Variants in SLAIN1 observed in about 807,000 individuals in gnomAD.
The protein encoded by SLAIN1 is SLAIN motif-containing protein 1.
A neutral mutation model predicts 55.4 loss-of-function variants in SLAIN1; 17 were observed. The observed-to-expected ratio is 0.31, with a 90% CI of 0.21 to 0.46. The LOEUF (loss-of-function observed/expected upper bound fraction) is 0.46, where lower values mean the gene tolerates loss of function less well. Among genes scored for constraint, SLAIN1 ranks in the 20% least tolerant of loss-of-function variants. The pLI, the probability that SLAIN1 is intolerant of heterozygous loss-of-function variation, is 1.00. For synonymous variants in SLAIN1, 348 were observed against 337.4 expected, an observed-to-expected ratio of 1.03 and a Z score of -0.35; for missense variants, 682 against 785.1, an observed-to-expected ratio of 0.87 and a Z score of 1.57.
At chr13:77,749,669 AG>A (rs1249870121) in intron 4 of SLAIN1, among the ~76,000 whole-genome samples, 1 of 152,192 alleles carries the variant, frequency 6.6e-6, no homozygotes, top group Non-Finnish European at 1.5e-5. Flanking sequence ...TTGTGAAGAT[AG>A]AACTAGAACA....
chr13:77,730,663 T>C (rs1321819057), intron 2 of SLAIN1, among the ~76,000 whole-genome samples: 1 of 152,182 alleles, frequency 6.6e-6, no homozygotes, highest in East Asian at 1.9e-4. Flanking sequence ...TGAGTTTAAT[T>C]TTTTTCTACT....
chr13:77,753,387 T>C, intron 5 of SLAIN1, 29 bp downstream of exon 5: 1 of 1,105,032 alleles, frequency 9.0e-7, no homozygotes, highest in Non-Finnish European at 1.2e-6. Context: ...TATAATTATA[T>C]ATTGTATAAT....
At chr13:77,718,108 AAT>A (rs1672443385) in intron 1 of SLAIN1, among the ~76,000 whole-genome samples, 1 of 152,088 alleles carries the variant, frequency 6.6e-6, no homozygotes, top group South Asian at 2.1e-4. Context: ...GAAAAAAAAA[AAT>A]ATATTGGACT....
chr13:77,761,933 GAGA>G (rs767059351), intron 6 of SLAIN1, among the ~76,000 whole-genome samples: 7 of 152,164 alleles, frequency 4.6e-5, no homozygotes, highest in Admixed American at 6.5e-5. Context: ...GGATATGAAG[GAGA>G]AGGAGAAAAC....
intron 1 of SLAIN1, among the ~76,000 whole-genome samples, chr13:77,709,548 C>T (rs28848583): frequency 2.0e-5 from 3 of 152,166 alleles, no homozygotes; most frequent in South Asian, 2.1e-4. Flanking sequence ...AGACTAACAG[C>T]GGATCTCTCT....
intron 1 of SLAIN1, among the ~76,000 whole-genome samples, chr13:77,706,925 T>C (rs866166881): frequency 1.3e-5 from 2 of 152,222 alleles, no homozygotes; most frequent in Non-Finnish European, 2.9e-5. Context: ...TCTAATCCTT[T>C]TTGACTTTTT....
At chr13:77,737,620 T>G (rs1192087536) in intron 2 of SLAIN1, among the ~76,000 whole-genome samples, 2 of 152,098 alleles carry the variant, frequency 1.3e-5, no homozygotes, top group East Asian at 3.9e-4. Context: ...GTTCTTGGTT[T>G]CATATGCATT....
In SLAIN1 at chr13:77,698,390, G is replaced by GGGCGGT; in HGVS notation, c.483_488dup (p.Gly162_Gly163dup). 7.1e-7 allele frequency: 1 copy of GGGCGGT among 1,412,974 alleles called. No homozygotes were observed. Among genetic ancestry groups the GGGCGGT allele is most frequent in the Non-Finnish European group, 9.2e-7 (1 of 1,084,550 alleles). 87.5% of individuals were successfully genotyped at this position (1,412,974 alleles called of 1,614,324 possible). A position where few individuals can be genotyped will look rare whatever the true frequency, so the allele number is the denominator to read the frequency against. Reference sequence around the variant, plus strand: ...AGCCGGCAGCAGGCTTCTTCGGCGCGGGCGGTGGCGGGCCGGAGCCGGGGG... The same window carrying GGGCGGT: ...AGCCGGCAGCAGGCTTCTTCGGCGCGGGCGGTGGCGGTGGCGGGCCGGAGCCGGGGG... On this transcript the variant is annotated inframe_insertion, in exon 1 of 7. Coordinates refer to ENST00000418532, the MANE Select transcript of SLAIN1 (RefSeq NM_001242868.2). The surrounding 1 kb of genome is among the most constrained non-coding windows in gnomAD (Gnocchi z 4.1).
At chr13:77,754,246 A>G (rs1874440806) in intron 5 of SLAIN1, among the ~76,000 whole-genome samples, 1 of 152,220 alleles carries the variant, frequency 6.6e-6, no homozygotes, top group Admixed American at 6.5e-5. Flanking sequence ...TTTAGGTGTC[A>G]GGTTGTATCT....
At chr13:77,753,428 G>C in intron 5 of SLAIN1, 70 bp downstream of exon 5, 1 of 874,446 alleles carries the variant, frequency 1.1e-6, no homozygotes. Context: ...TTAATTGTAA[G>C]GAAAATGTCT....
intron 1 of SLAIN1, among the ~76,000 whole-genome samples, chr13:77,714,028 G>A (rs566836512): frequency 6.6e-6 from 1 of 152,020 alleles, no homozygotes; most frequent in Middle Eastern, 3.2e-3. Context: ...GTCGAGGGGT[G>A]GGGGGCTAGG....
intron 3 of SLAIN1, among the ~76,000 whole-genome samples, chr13:77,745,777 A>C (rs1389838009): frequency 1.3e-5 from 2 of 152,148 alleles, no homozygotes; most frequent in Non-Finnish European, 2.9e-5. Context: ...AGTAAAAGCA[A>C]ATTTAAATAC....
intron 1 of SLAIN1, among the ~76,000 whole-genome samples, chr13:77,709,028 A>G (rs1248083450): frequency 1.3e-5 from 2 of 152,146 alleles, no homozygotes; most frequent in Admixed American, 1.3e-4. Context: ...AAAAGGTTGG[A>G]GGAATTGCTA....
chr13:77,737,932 C>T (rs892712768), intron 2 of SLAIN1, among the ~76,000 whole-genome samples: 1 of 151,964 alleles, frequency 6.6e-6, no homozygotes, highest in African/African-American at 2.4e-5. Flanking sequence ...GCTATAGCCA[C>T]AATAGTTAGT....
At chr13:77,713,933 A>G (rs1416784638) in intron 1 of SLAIN1, among the ~76,000 whole-genome samples, 2 of 152,100 alleles carry the variant, frequency 1.3e-5, no homozygotes, top group Non-Finnish European at 1.5e-5. Flanking sequence ...CAGAAAACCA[A>G]ACACTGCATG....
intron 1 of SLAIN1, among the ~76,000 whole-genome samples, chr13:77,717,627 T>G (rs1254754344): frequency 1.3e-5 from 2 of 152,196 alleles, no homozygotes; most frequent in Non-Finnish European, 2.9e-5. Context: ...TCAGATGATT[T>G]TCTCTCAGTT....
chr13:77,761,037 G>A lies in SLAIN1; in HGVS notation c.1624G>A (p.Ala542Thr). Reference sequence around the variant, plus strand: ...AGCTTCTGGGATAATGGGTCGCAGTGCACTCCCAAGACCTTCGTTGGCAAT... The same window carrying A: ...AGCTTCTGGGATAATGGGTCGCAGTACACTCCCAAGACCTTCGTTGGCAAT... The part of the protein sequence containing the change: ...AAASGIMGRS[A>T]LPRPSLAING... The change falls in exon 6 of 7, where the codon GCA (alanine) becomes ACA (threonine). Residue 542 changes from alanine (A) to threonine (T), a missense_variant. Physicochemically the swap from Ala to Thr is moderately conservative, Grantham distance 58 (BLOSUM62 0). Coordinates refer to ENST00000418532, the MANE Select transcript of SLAIN1 (RefSeq NM_001242868.2). The A allele has an allele frequency of 6.2e-7, 1 of 1,614,190 alleles. No homozygotes were observed. Among genetic ancestry groups the A allele is most frequent in the Non-Finnish European group, 8.5e-7 (1 of 1,180,032 alleles).
chr13:77,751,523 T>C (rs1874209931), intron 4 of SLAIN1, among the ~76,000 whole-genome samples: 1 of 152,202 alleles, frequency 6.6e-6, no homozygotes. Flanking sequence ...GTCTGGTATT[T>C]AGTGTAAACA....
rs891605744 is a variant in SLAIN1, at chr13:77,697,687, G to C, written c.-227G>C. 6.9e-6 allele frequency among the ~76,000 whole-genome samples: 1 copy of C among 145,140 alleles called. No individual in the cohort carries two copies. The highest frequency in any genetic ancestry group is 1.5e-5 in the Non-Finnish European group (1 of 66,518). On this transcript the variant is annotated 5_prime_UTR_variant, in exon 1 of 7. Transcript: ENST00000418532. ...AAACCCGGAGCCGCCGCGACGCCCA[G>C]GGGACTGGAGGGACGCACTGAGCAT...
Sources: allele counts gnomAD v4.1 joint callset (sites outside exome capture counted in the v4.1 genomes callset), GRCh38; gene constraint gnomAD v4.1.1; non-coding constraint Gnocchi (gnomAD v3.1); transcripts MANE v1.5; gene names NCBI Gene and HGNC (gene_info 2026-07-23, HGNC 2026-07-21).